MRPL58: variants seen among roughly 807,000 people sequenced by gnomAD.
MRPL58 encodes the protein mitochondrial ribosomal protein L58, also known as large ribosomal subunit protein mL62.
MRPL58 carries 17 observed loss-of-function variants against 26.0 expected under a neutral mutation model. The ratio of observed to expected loss-of-function variants is 0.65; its 90% CI spans 0.45 to 0.98. MRPL58 has a LOEUF of 0.98. Ranked by LOEUF, MRPL58 falls within the 50% of genes least tolerant of loss-of-function variation. The pLI, the probability that MRPL58 is intolerant of heterozygous loss-of-function variation, is 0.00. For missense variants in MRPL58, 250 were observed against 269.0 expected, an observed-to-expected ratio of 0.93 and a Z score of 0.49; for synonymous variants, 100 against 99.7, an observed-to-expected ratio of 1.00 and a Z score of -0.02.
chr17:75,020,664 G>A lies in MRPL58; in HGVS notation c.536+7G>A, dbSNP rs753242477. 2 of 1,613,688 alleles carry A rather than the reference G, an allele frequency of 1.2e-6. No individual in the cohort carries two copies. Among genetic ancestry groups the A allele is most frequent in the Non-Finnish European group, 1.7e-6 (2 of 1,179,638 alleles). ...TTAAACTTCATAGAATCAGGTACCA[G>A]GAAATGCCCTAAGATGCTATAAACT... On this transcript the variant is annotated splice_region_variant and intron_variant, in intron 5 of 5. Transcript: ENST00000301585.
Position 75,012,741 on chromosome 17 carries a change from C to T in MRPL58, c.55C>T (p.Leu19Phe). Residue 19 changes from leucine (L) to phenylalanine (F), a missense_variant, in exon 1 of 6, where the codon CTC becomes TTC. Leu to Phe is a conservative substitution (Grantham distance 22). Transcript: ENST00000301585. ...WGLSRAGVWL[L>F]PPPARCPRRA... ...CCTGAGCCGAGCCGGAGTCTGGCTG[C>T]TCCCACCGCCCGCACGGTGCCCACG... 6.3e-7 allele frequency: 1 copy of T among 1,584,724 alleles called. No homozygotes were observed. Among genetic ancestry groups the T allele is most frequent in the South Asian group, 1.1e-5 (1 of 87,348 alleles).
chr17:75,013,773 A>G (rs2039951189), intron 1 of MRPL58, among the ~76,000 whole-genome samples: 1 of 152,230 alleles, frequency 6.6e-6, no homozygotes, highest in East Asian at 1.9e-4. Flanking sequence ...AGAAAGTGCA[A>G]TAACCTGAAG....
intron 2 of MRPL58, among the ~76,000 whole-genome samples, chr17:75,018,228 A>T (rs1054970567): frequency 1.4e-5 from 2 of 139,678 alleles, no homozygotes; most frequent in African/African-American, 5.7e-5. Context: ...ATATCTCTGA[A>T]ATATCTTTTT....
rs2039940651 is a variant in MRPL58 at position 75,012,718 on chromosome 17, T to TGAGCCGAGCCG, written c.36_46dup (p.Val16AlafsTer63). 1 of 1,573,512 alleles carries TGAGCCGAGCCG rather than the reference T, an allele frequency of 6.4e-7. No homozygotes were observed. Among genetic ancestry groups the TGAGCCGAGCCG allele is most frequent in the Admixed American group, 1.9e-5 (1 of 53,666 alleles). On this transcript the variant is annotated frameshift_variant, in exon 1 of 6. Coordinates refer to ENST00000301585, the MANE Select transcript of MRPL58 (RefSeq NM_001545.3). LOFTEE classifies it high-confidence loss of function. ...GCCACCAGGTGCCTGCGCTGGGGCC[T>TGAGCCGAGCCG]GAGCCGAGCCGGAGTCTGGCTGCTC... is the stretch of plus-strand genomic sequence containing the variant.
Position 75,019,717 on chromosome 17 carries a change from T to C in MRPL58, c.241T>C (p.Tyr81His). The C allele has an allele frequency of 1.2e-6, 2 of 1,612,626 alleles. No homozygotes were observed. The highest frequency in any genetic ancestry group is 1.7e-6 in the Non-Finnish European group (2 of 1,178,794). The change falls in exon 3 of 6, where the codon TAT becomes CAT. Residue 81 changes from tyrosine to histidine, a missense_variant. Physicochemically the swap from Tyr to His is moderately conservative, Grantham distance 83. Transcript: ENST00000301585. ...TTTTACAGATCGCTTGACAATATCTTATTGTCGGAGTAGTGGTCCTGGGGG... is the reference window on the plus strand; with the variant it reads ...TTTTACAGATCGCTTGACAATATCTCATTGTCGGAGTAGTGGTCCTGGGGG... ...DIPLDRLTISYCRSSGPGGQN... is the reference protein window; with the variant it reads ...DIPLDRLTISHCRSSGPGGQN...
At position 75,021,244 on chromosome 17, in the gene MRPL58, A is replaced by C. The variant is rs921336256; in HGVS notation, c.*239A>C. 3 of 509,024 alleles carry C rather than the reference A, an allele frequency of 5.9e-6. No homozygotes were observed. The highest frequency in any genetic ancestry group is 5.7e-5 in the African/African-American group (3 of 52,194). 31.5% of individuals were successfully genotyped at this position (509,024 alleles called of 1,614,324 possible). On this transcript the variant is annotated 3_prime_UTR_variant, in exon 6 of 6. Coordinates refer to ENST00000301585, the MANE Select transcript of MRPL58 (RefSeq NM_001545.3). ...ATAATGCACCTCATGTATTAGTCAC[A>C]ATAAAAATCAGAACTCATTAGGCTT...
chr17:75,020,748 G>A (rs2040011362), intron 5 of MRPL58, 91 bp downstream of exon 5: 27 of 1,404,944 alleles, frequency 1.9e-5, no homozygotes, highest in South Asian at 7.3e-5. Flanking sequence ...GTCCAAGGCC[G>A]GCCTTGGGAG....
chr17:75,013,697 C>T (rs893259251), intron 1 of MRPL58, among the ~76,000 whole-genome samples: 1 of 152,080 alleles, frequency 6.6e-6, no homozygotes. Context: ...TGAATAACGA[C>T]CTGGAAGAAG....
intron 1 of MRPL58, among the ~76,000 whole-genome samples, chr17:75,016,709 G>T (rs183710335): frequency 5.7e-4 from 87 of 152,326 alleles, no homozygotes; most frequent in African/African-American, 1.9e-3. Flanking sequence ...GAAAGAACAG[G>T]GTGGCCCACC....
At position 75,019,763 on chromosome 17, in the gene MRPL58, C is replaced by CG; in HGVS notation, c.283+8dup. The stretch of plus-strand genomic sequence containing the variant: ...GGGGGGCAGAATGTGAACAAAGGTA[C>CG]GGGGTGCCTTGTTGCTTTCTTTTGC... On this transcript the variant is annotated splice_donor_region_variant and intron_variant, in intron 3 of 5. Coordinates refer to ENST00000301585, the MANE Select transcript of MRPL58 (RefSeq NM_001545.3). 1 of 1,594,106 alleles carries CG rather than the reference C, an allele frequency of 6.3e-7. No homozygotes were observed. Among genetic ancestry groups the CG allele is most frequent in the Non-Finnish European group, 8.6e-7 (1 of 1,165,734 alleles).
chr17:75,013,001 CT>C (rs2039944088), intron 1 of MRPL58, 129 bp downstream of exon 1: 4 of 829,068 alleles, frequency 4.8e-6, no homozygotes, highest in Middle Eastern at 3.1e-4. Context: ...CGGGAGGGGG[CT>C]GGCTGTCTGC....
At position 75,012,843 on chromosome 17, in the gene MRPL58, C is replaced by G. The variant is rs1201976582; in HGVS notation, c.157C>G (p.Gln53Glu). 1.2e-6 allele frequency: 2 copies of G among 1,612,052 alleles called. No homozygotes were observed. The highest frequency in any genetic ancestry group is 2.7e-5 in the African/African-American group (2 of 74,624). The change falls in exon 1 of 6, where the codon CAG (glutamine) becomes GAG (glutamate). Residue 53 changes from glutamine (Q) to glutamate (E), a missense_variant. Coordinates refer to ENST00000301585, the MANE Select transcript of MRPL58 (RefSeq NM_001545.3). ...YSLDKLYPES[Q>E]GSDTAWRVPN... ...CCTGGACAAGCTCTACCCCGAATCT[C>G]AGGGCTCGGACACCGCCTGGAGGGT...
chr17:75,015,353 A>G (rs9915753), intron 1 of MRPL58, among the ~76,000 whole-genome samples: 1 of 152,020 alleles, frequency 6.6e-6, no homozygotes, highest in Non-Finnish European at 1.5e-5. Context: ...GCGTGGTGGC[A>G]CACGCCTGTA....
chr17:75,020,275 C>G (rs751536657), intron 3 of MRPL58, 38 bp from the exon 4 acceptor site: 5 of 1,547,756 alleles, frequency 3.2e-6, no homozygotes, highest in Non-Finnish European at 4.5e-6. Flanking sequence ...TCCTGGAAGT[C>G]TCAGGCACCC....
rs1244214297 is a variant in MRPL58 at position 75,015,722 on chromosome 17, G to A, written c.187-1356G>A. The stretch of plus-strand genomic sequence containing the variant: ...ATGATCTTCAGTGCTGCAGACAGGT[G>A]GAGTAGGATAAGGGTTTCATCCCCA... On this transcript the variant is annotated intron_variant, in intron 1 of 5. Coordinates refer to ENST00000301585, the MANE Select transcript of MRPL58 (RefSeq NM_001545.3). 5.9e-5 allele frequency among the ~76,000 whole-genome samples: 9 copies of A among 152,158 alleles called. No individual in the cohort carries two copies. The East Asian group carries it at 1.7e-3, about 29-fold the overall frequency.
intron 1 of MRPL58, among the ~76,000 whole-genome samples, chr17:75,014,067 G>T (rs1244439751): frequency 6.6e-6 from 1 of 152,128 alleles, no homozygotes; most frequent in Non-Finnish European, 1.5e-5. Context: ...GAAGCAGTAG[G>T]AGTCATGAGA....
chr17:75,019,704 C>A lies in MRPL58; in HGVS notation c.228C>A (p.Arg76=), dbSNP rs1309516562. The A allele has an allele frequency of 6.2e-7, 1 of 1,613,010 alleles. No individual in the cohort carries two copies. The highest frequency in any genetic ancestry group is 1.7e-5 in the Admixed American group (1 of 59,980). The stretch of plus-strand genomic sequence containing the variant: ...GTACTTTCTTCTGTTTTACAGATCG[C>A]TTGACAATATCTTATTGTCGGAGTA... The part of the protein sequence containing the change: ...KQADSDIPLD[R]LTISYCRSSG... Residue 76 remains arginine, a synonymous_variant, in exon 3 of 6, where the codon CGC becomes CGA. Transcript: ENST00000301585.
At chr17:75,018,591 T>C (rs1905034013) in intron 2 of MRPL58, 1 of 152,052 alleles carries the variant, frequency 6.6e-6, no homozygotes, top group Admixed American at 6.6e-5. Flanking sequence ...TGTAGAGAGA[T>C]ATCTATATCT....
At chr17:75,020,210 G>C in intron 3 of MRPL58, 103 bp from the exon 4 acceptor site, 1 of 884,360 alleles carries the variant, frequency 1.1e-6, no homozygotes, top group Non-Finnish European at 1.9e-6. Context: ...ACATGGTTAG[G>C]TGTCTGGCCT....
Sources: allele counts gnomAD v4.1 joint callset (sites outside exome capture counted in the v4.1 genomes callset), GRCh38; gene constraint gnomAD v4.1.1; transcripts MANE v1.5; gene names NCBI Gene and HGNC (gene_info 2026-07-23, HGNC 2026-07-21).